Variants in ARHGAP29 observed in about 807,000 individuals in gnomAD.
The protein encoded by ARHGAP29 is Rho GTPase activating protein 29, also known as rho GTPase-activating protein 29.
A neutral mutation model predicts 122.6 loss-of-function variants in ARHGAP29; 43 were observed. The ratio of observed to expected loss-of-function variants is 0.35; its 90% CI spans 0.27 to 0.45. ARHGAP29 has a LOEUF of 0.45. Among genes scored for constraint, ARHGAP29 ranks in the 20% least tolerant of loss-of-function variants. ARHGAP29 has a pLI of 1.00. For missense variants in ARHGAP29, 1,303 were observed against 1,477.2 expected, an observed-to-expected ratio of 0.88 and a Z score of 1.93; for synonymous variants, 506 against 497.1, an observed-to-expected ratio of 1.02 and a Z score of -0.24.
the ARHGAP29 span, chr1:94,302,606 G>A: frequency 2.5e-6 from 1 of 394,116 alleles, no homozygotes; most frequent in Admixed American, 3.0e-5. Context: ...ACTGTGGTGT[G>A]ATGGCCATGG....
the ARHGAP29 span, among the ~76,000 whole-genome samples, chr1:94,312,278 T>C: frequency 6.6e-6 from 1 of 152,122 alleles, no homozygotes; most frequent in Non-Finnish European, 1.5e-5. Context: ...TGACCAGCTC[T>C]TGGTTCTCAT....
At chr1:94,269,207 T>A (rs1654898223) in intron 1 of ARHGAP29, among the ~76,000 whole-genome samples, 1 of 152,194 alleles carries the variant, frequency 6.6e-6, no homozygotes, top group South Asian at 2.1e-4. Flanking sequence ...ATTGATTGAT[T>A]CGTGAGCATT....
At chr1:94,272,363 C>A (rs1301961321) in intron 1 of ARHGAP29, among the ~76,000 whole-genome samples, 1 of 152,164 alleles carries the variant, frequency 6.6e-6, no homozygotes, top group Non-Finnish European at 1.5e-5. Flanking sequence ...TAGAGCTGCT[C>A]CTTGAACTTG....
the ARHGAP29 span, among the ~76,000 whole-genome samples, chr1:94,307,654 A>G: frequency 6.6e-6 from 1 of 152,234 alleles, no homozygotes. Context: ...AAAATAAGAT[A>G]AAGGTAGCAT....
chr1:94,212,344 G>A (rs1290115707), intron 3 of ARHGAP29, among the ~76,000 whole-genome samples: 2 of 152,102 alleles, frequency 1.3e-5, no homozygotes, highest in Non-Finnish European at 2.9e-5. Flanking sequence ...AGAGATACAG[G>A]TAGAATGATG....
chr1:94,174,105 C>T lies in ARHGAP29; in HGVS notation c.3550G>A (p.Ala1184Thr), dbSNP rs1431147574. 7 of 1,614,080 alleles carry T rather than the reference C, an allele frequency of 4.3e-6. No homozygotes were observed. The highest frequency in any genetic ancestry group is 1.3e-5 in the African/African-American group (1 of 74,938). Residue 1184 changes from alanine (A) to threonine (T), a missense_variant, in exon 23 of 23, where the codon GCT (alanine) becomes ACT (threonine). Ala to Thr is a moderately conservative substitution (Grantham distance 58, BLOSUM62 0). Around this residue, in one of 3 missense-constraint regions of ARHGAP29, gnomAD observed 620 missense variants for 651.2 expected, o/e 0.95. Transcript: ENST00000260526. Reference sequence around the variant, plus strand: ...GGAGGCACTGCTGCTGAGGGTGAAGCTGGCTTCTCCTCATTCCCCCTGATA... The same window carrying T: ...GGAGGCACTGCTGCTGAGGGTGAAGTTGGCTTCTCCTCATTCCCCCTGATA... The part of the protein sequence containing the change: ...ISIRGNEEKP[A>T]SPSAAVPPGT...
intron 22 of ARHGAP29, chr1:94,176,596 AAT>A (rs1423098315): frequency 1.3e-5 from 2 of 152,182 alleles, no homozygotes; most frequent in Non-Finnish European, 2.9e-5. Context: ...GTACCTGGTG[AAT>A]GTTAGTTCCA....
At position 94,235,532 on chromosome 1, in the gene ARHGAP29, A is replaced by G. The variant is rs138684357; in HGVS notation, c.-33+1883T>C. ...GAACAAGATGTGGCTTCACTACAAT[A>G]CATAAGTGGATTGTGAGCAAGAAAT... On this transcript the variant is annotated intron_variant, in intron 1 of 22. Transcript: ENST00000260526. 5.3e-5 allele frequency among the ~76,000 whole-genome samples: 8 copies of G among 152,312 alleles called. No homozygotes were observed. The East Asian group carries it at 1.4e-3, about 26-fold the overall frequency.
At chr1:94,273,198 A>C (rs914675415) in intron 1 of ARHGAP29, among the ~76,000 whole-genome samples, 2 of 152,216 alleles carry the variant, frequency 1.3e-5, no homozygotes, top group Non-Finnish European at 2.9e-5. Context: ...GAAATCCTGA[A>C]TACTAAAGGC....
intron 12 of ARHGAP29, chr1:94,194,533 T>C (rs1252209039): frequency 6.6e-6 from 1 of 152,144 alleles, no homozygotes; most frequent in Non-Finnish European, 1.5e-5. Context: ...CACTATCAGA[T>C]TCAGGGTCTG....
At chr1:94,290,441 T>G in the ARHGAP29 span, among the ~76,000 whole-genome samples, 1 of 152,198 alleles carries the variant, frequency 6.6e-6, no homozygotes, top group African/African-American at 2.4e-5. Flanking sequence ...GCTCTGATCT[T>G]TGTTATTTCT....
the ARHGAP29 span, among the ~76,000 whole-genome samples, chr1:94,311,103 C>T: frequency 6.6e-6 from 1 of 152,226 alleles, no homozygotes; most frequent in Non-Finnish European, 1.5e-5. Flanking sequence ...CACTCATTTC[C>T]TGACCTATTT....
At chr1:94,242,616 CA>C (rs11320139), upstream of ARHGAP29, among the ~76,000 whole-genome samples, 111,560 of 130,148 alleles carry the variant, frequency 0.86, 47,484 homozygotes, top group Non-Finnish European at 0.9. Context: ...TTCAAAAAAT[CA>C]AAAAAAAAAA....
chr1:94,205,035 A>T (rs369513675), intron 7 of ARHGAP29, 26 bp downstream of exon 7: 1 of 1,544,972 alleles, frequency 6.5e-7, no homozygotes, highest in East Asian at 2.4e-5. Context: ...TATACTCTAA[A>T]TCAGATGCTT....
chr1:94,238,680 G>A (rs1484197711), upstream of ARHGAP29, among the ~76,000 whole-genome samples: 3 of 151,936 alleles, frequency 2.0e-5, no homozygotes, highest in Non-Finnish European at 2.9e-5. Flanking sequence ...AAGAAAATGA[G>A]GTGCAGACAC....
the ARHGAP29 span, among the ~76,000 whole-genome samples, chr1:94,295,088 T>C: frequency 1.3e-5 from 2 of 152,218 alleles, no homozygotes; most frequent in South Asian, 2.1e-4. Context: ...TGAAATTGTA[T>C]TACTAGGGGA....
upstream of ARHGAP29, among the ~76,000 whole-genome samples, chr1:94,240,330 A>G (rs553908346): frequency 1.1e-3 from 162 of 152,358 alleles, no homozygotes; most frequent in Admixed American, 1.6e-3. Flanking sequence ...ATTATCTGCC[A>G]TCCTTCATCC....
At chr1:94,263,532 C>A (rs11165101) in intron 1 of ARHGAP29, among the ~76,000 whole-genome samples, 53,877 of 151,956 alleles carry the variant, frequency 0.35, 9,708 homozygotes, top group South Asian at 0.41. Context: ...GAGGCAGAGC[C>A]CTTCAGTGTA....
At chr1:94,215,157 G>A (rs532222206) in intron 3 of ARHGAP29, among the ~76,000 whole-genome samples, 3 of 140,970 alleles carry the variant, frequency 2.1e-5, no homozygotes, top group East Asian at 4.2e-4. Context: ...AACCAAAAAA[G>A]CTACAAGACC....
Sources: gnomAD v4.1 joint callset for allele counts (sites outside exome capture counted in the v4.1 genomes callset) on GRCh38, gnomAD v4.1.1 for gene constraint, gnomAD v4.1.1 regional missense constraint, MANE v1.5 for transcripts, NCBI Gene and HGNC (gene_info 2026-07-23, HGNC 2026-07-21) for gene names.